Variants in CFAP299 observed in about 807,000 individuals in gnomAD.
The protein encoded by CFAP299 is cilia- and flagella-associated protein 299.
Under a neutral mutation model 27.0 loss-of-function variants are expected in CFAP299, and 21 were observed. That is an observed-to-expected ratio of 0.78 (90% CI 0.55 to 1.12). The LOEUF (loss-of-function observed/expected upper bound fraction) is 1.12, where lower values mean the gene tolerates loss of function less well. CFAP299 is among the 50% of genes most tolerant of loss of function. CFAP299 has a pLI of 0.00. For synonymous variants in CFAP299, 104 were observed against 98.1 expected (o/e 1.06, Z -0.36); for missense variants, 310 against 276.6 (o/e 1.12, Z -0.86).
chr4:80,469,446 T>A (rs1051359680), intron 2 of CFAP299, among the ~76,000 whole-genome samples: 1 of 152,210 alleles, frequency 6.6e-6, no homozygotes, highest in African/African-American at 2.4e-5. Flanking sequence ...TCTCATCTGT[T>A]AAGTGGGGAT....
rs149514152 is a variant in CFAP299, at chr4:80,926,032, A to G, written c.477-18778A>G. Among the ~76,000 whole-genome samples the G allele has an allele frequency of 6.3e-4, 96 of 152,180 alleles. 1 individual carries two copies. The highest frequency in any genetic ancestry group is 2.2e-3 in the African/African-American group (91 of 41,560). On this transcript the variant is annotated intron_variant, in intron 4 of 5. Coordinates refer to ENST00000358105, the MANE Select transcript of CFAP299 (RefSeq NM_152770.3). Reference sequence around the variant, plus strand: ...ATTAGTCTTGTGGTTGTAGTTTCCCATGGGAAGTATTGCATGATATGATAT... The same window carrying G: ...ATTAGTCTTGTGGTTGTAGTTTCCCGTGGGAAGTATTGCATGATATGATAT...
chr4:80,457,780 C>A (rs1352734969), intron 2 of CFAP299, among the ~76,000 whole-genome samples: 1 of 152,114 alleles, frequency 6.6e-6, no homozygotes, highest in African/African-American at 2.4e-5. Context: ...TGTCCCCCAA[C>A]CCCCTCTGCC....
chr4:80,943,625 A>G lies in CFAP299; in HGVS notation c.477-1185A>G, dbSNP rs191648835. The stretch of plus-strand genomic sequence containing the variant: ...AGGAATAAGATACATAAAAATAAGT[A>G]GATTTTTATTTTATATTTTATAAGA... On this transcript the variant is annotated intron_variant, in intron 4 of 5. Coordinates refer to ENST00000358105, the MANE Select transcript of CFAP299 (RefSeq NM_152770.3). Among the ~76,000 whole-genome samples, 617 of 152,242 alleles carry G rather than the reference A, an allele frequency of 4.1e-3. 1 individual carries two copies. Among genetic ancestry groups the G allele is most frequent in the Middle Eastern group, 0.014 (4 of 294 alleles).
At chr4:80,914,248 T>C (rs548557743) in intron 4 of CFAP299, among the ~76,000 whole-genome samples, 1 of 152,334 alleles carries the variant, frequency 6.6e-6, no homozygotes, top group African/African-American at 2.4e-5. Context: ...TTTAATGTTA[T>C]TAGAAACTGC....
At position 80,664,982 on chromosome 4, in the gene CFAP299, G is replaced by C. The variant is rs568732818; in HGVS notation, c.333+81799G>C. Among the ~76,000 whole-genome samples the C allele has an allele frequency of 4.2e-4, 64 of 152,130 alleles. 1 individual carries two copies. The highest frequency in any genetic ancestry group is 1.6e-4 in the Non-Finnish European group (11 of 68,032). On this transcript the variant is annotated intron_variant, in intron 3 of 5. Coordinates refer to ENST00000358105, the MANE Select transcript of CFAP299 (RefSeq NM_152770.3). ...CGCAGCTTCCTTTGGCTAGGGGAGG[G>C]AGTTCTCTGACCCCTTGCACTTCCC...
At chr4:80,770,784 G>T (rs1726168362) in intron 3 of CFAP299, among the ~76,000 whole-genome samples, 1 of 152,098 alleles carries the variant, frequency 6.6e-6, no homozygotes, top group African/African-American at 2.4e-5. Flanking sequence ...TAGTTCTTTT[G>T]GTTTTGGGAG....
rs182475596 is a variant in CFAP299, at chr4:80,420,857, A to G, written c.242+57973A>G. ...ATAGGTTTCCCTCACCTGTTGCTTCAGCCCACTTCACACATCAATTTTGCT... is the reference window on the plus strand; with the variant it reads ...ATAGGTTTCCCTCACCTGTTGCTTCGGCCCACTTCACACATCAATTTTGCT... On this transcript the variant is annotated intron_variant, in intron 2 of 5. Transcript: ENST00000358105. 2.0e-3 allele frequency among the ~76,000 whole-genome samples: 299 copies of G among 152,278 alleles called. 3 individuals are homozygous for G. Among genetic ancestry groups the G allele is most frequent in the Non-Finnish European group, 3.9e-3 (264 of 68,008 alleles).
intron 3 of CFAP299, among the ~76,000 whole-genome samples, chr4:80,717,104 A>G (rs1722531688): frequency 6.6e-6 from 1 of 152,166 alleles, no homozygotes; most frequent in Non-Finnish European, 1.5e-5. Context: ...TGAATACGAC[A>G]GATACGTTTT....
chr4:80,697,393 G>A (rs1721172016), intron 3 of CFAP299, among the ~76,000 whole-genome samples: 1 of 151,928 alleles, frequency 6.6e-6, no homozygotes, highest in Non-Finnish European at 1.5e-5. Context: ...CATTGTTTTG[G>A]GTGTTTTCTA....
At chr4:80,435,318 G>C (rs1728014989) in intron 2 of CFAP299, among the ~76,000 whole-genome samples, 2 of 152,166 alleles carry the variant, frequency 1.3e-5, no homozygotes, top group African/African-American at 4.8e-5. Context: ...GAGAGGGGGT[G>C]AGCAAGCACA....
At chr4:80,728,422 T>G (rs1216112519) in intron 3 of CFAP299, among the ~76,000 whole-genome samples, 1 of 152,214 alleles carries the variant, frequency 6.6e-6, no homozygotes, top group Non-Finnish European at 1.5e-5. Context: ...AAAACAATAC[T>G]TTTTCCTGTA....
intron 3 of CFAP299, among the ~76,000 whole-genome samples, chr4:80,833,622 T>C (rs1460841102): frequency 1.3e-5 from 2 of 152,214 alleles, no homozygotes; most frequent in Non-Finnish European, 1.5e-5. Context: ...GGATTTTCTC[T>C]CCATTTCCTG....
At chr4:80,685,956 A>G (rs1030377505) in intron 3 of CFAP299, among the ~76,000 whole-genome samples, 4 of 152,172 alleles carry the variant, frequency 2.6e-5, no homozygotes, top group African/African-American at 7.2e-5. Flanking sequence ...CACAAGTAAT[A>G]CAGAATGATT....
chr4:80,480,574 T>A (rs1730513895), intron 2 of CFAP299, among the ~76,000 whole-genome samples: 1 of 152,030 alleles, frequency 6.6e-6, no homozygotes, highest in Non-Finnish European at 1.5e-5. Context: ...AAGTTCCACT[T>A]AGGTTTGCAA....
chr4:80,779,457 C>T (rs550631996), intron 3 of CFAP299, among the ~76,000 whole-genome samples: 167 of 152,204 alleles, frequency 1.1e-3, no homozygotes, highest in African/African-American at 3.8e-3. Flanking sequence ...GGCAAGTCAC[C>T]TGTCTAGCAC....
chr4:80,350,350 C>A (rs913466528), intron 1 of CFAP299, among the ~76,000 whole-genome samples: 6 of 152,060 alleles, frequency 3.9e-5, no homozygotes, highest in Non-Finnish European at 8.8e-5. Flanking sequence ...AAGAGAAAAT[C>A]TTAAAAACAA....
intron 2 of CFAP299, among the ~76,000 whole-genome samples, chr4:80,531,082 A>C (rs1360062651): frequency 2.6e-5 from 4 of 152,208 alleles, no homozygotes; most frequent in Non-Finnish European, 4.4e-5. Flanking sequence ...TGAGAGGCAG[A>C]GGAAGAAGTA....
intron 3 of CFAP299, among the ~76,000 whole-genome samples, chr4:80,817,203 C>T (rs1417709024): frequency 6.6e-6 from 1 of 152,120 alleles, no homozygotes; most frequent in African/African-American, 2.4e-5. Context: ...CCCAACTCCA[C>T]AGGCCCCTAG....
chr4:80,371,247 A>C (rs1222363245), intron 2 of CFAP299, among the ~76,000 whole-genome samples: 2 of 152,200 alleles, frequency 1.3e-5, no homozygotes, highest in East Asian at 3.9e-4. Context: ...ATAGCGGGGC[A>C]CTGGGCTTAA....
Sources: gnomAD v4.1 joint callset for allele counts (sites outside exome capture counted in the v4.1 genomes callset) on GRCh38, gnomAD v4.1.1 for gene constraint, MANE v1.5 for transcripts, NCBI Gene and HGNC (gene_info 2026-07-23, HGNC 2026-07-21) for gene names.